ZNF385B: variants seen among roughly 807,000 people sequenced by gnomAD.
The protein encoded by ZNF385B is zinc finger protein 533.
ZNF385B carries 23 observed loss-of-function variants against 39.2 expected under a neutral mutation model. That is an observed-to-expected ratio of 0.59 (90% CI 0.42 to 0.83). The LOEUF is 0.83. Among genes scored for constraint, ZNF385B ranks in the 40% least tolerant of loss-of-function variants. The pLI is 0.00. For missense variants in ZNF385B, 552 were observed against 598.9 expected, an observed-to-expected ratio of 0.92 and a Z score of 0.82; for synonymous variants, 205 against 222.6, an observed-to-expected ratio of 0.92 and a Z score of 0.70.
chr2:179,478,847 G>A (rs544378176), intron 6 of ZNF385B, among the ~76,000 whole-genome samples: 1 of 152,104 alleles, frequency 6.6e-6, no homozygotes, highest in Non-Finnish European at 1.5e-5. Context: ...GTTAAATGCT[G>A]TCACAAGAGA....
At chr2:179,771,786 A>T (rs1385541872) in intron 1 of ZNF385B, among the ~76,000 whole-genome samples, 1 of 152,246 alleles carries the variant, frequency 6.6e-6, no homozygotes, top group Non-Finnish European at 1.5e-5. Flanking sequence ...TAGTTGAAAT[A>T]AGTAAGTGAT....
intron 4 of ZNF385B, among the ~76,000 whole-genome samples, chr2:179,539,381 G>A (rs1257461265): frequency 6.6e-6 from 1 of 152,138 alleles, no homozygotes; most frequent in African/African-American, 2.4e-5. Flanking sequence ...CAAATTGGGG[G>A]TTATGACTTC....
chr2:179,453,541 G>C (rs1359122961), intron 6 of ZNF385B, among the ~76,000 whole-genome samples: 2 of 152,144 alleles, frequency 1.3e-5, no homozygotes, highest in Non-Finnish European at 2.9e-5. Flanking sequence ...GGGACACTGG[G>C]ATTTCATTCC....
chr2:179,571,425 G>T (rs1685202827), intron 3 of ZNF385B, among the ~76,000 whole-genome samples: 1 of 152,114 alleles, frequency 6.6e-6, no homozygotes. Flanking sequence ...CTACAAGCCC[G>T]AAGGAAGATT....
chr2:179,595,624 C>A lies in ZNF385B; in HGVS notation c.299-50655G>T, dbSNP rs991687555. ...TTGTTTTTCAGCCATCCCAGATATTCTTTTTTTTTTTTTCTTCCAGAGACA... is the reference window on the plus strand; with the variant it reads ...TTGTTTTTCAGCCATCCCAGATATTATTTTTTTTTTTTTCTTCCAGAGACA... On this transcript the variant is annotated intron_variant, in intron 3 of 9. Coordinates refer to ENST00000410066, the MANE Select transcript of ZNF385B (RefSeq NM_152520.6). 4.1e-5 allele frequency among the ~76,000 whole-genome samples: 6 copies of A among 145,736 alleles called. No homozygotes were observed. The East Asian group carries it at 1.2e-3, about 30-fold the overall frequency.
intron 3 of ZNF385B, among the ~76,000 whole-genome samples, chr2:179,692,338 T>G (rs1193201607): frequency 1.3e-5 from 2 of 152,146 alleles, no homozygotes; most frequent in Non-Finnish European, 2.9e-5. Flanking sequence ...AGGTCCCTTA[T>G]AGCTCCCTGG....
At chr2:179,668,582 A>G (rs1695487691) in intron 3 of ZNF385B, among the ~76,000 whole-genome samples, 1 of 150,714 alleles carries the variant, frequency 6.6e-6, no homozygotes, top group Non-Finnish European at 1.5e-5. Flanking sequence ...TTTGCTCTAC[A>G]AGTTCATCTT....
At position 179,584,006 on chromosome 2, in the gene ZNF385B, A is replaced by G. The variant is rs1192943007; in HGVS notation, c.299-39037T>C. On this transcript the variant is annotated intron_variant, in intron 3 of 9. Coordinates refer to ENST00000410066, the MANE Select transcript of ZNF385B (RefSeq NM_152520.6). ...TCTGCCATGTGCCAAACAACCTGCT[A>G]CTTGTTGTGTACACATTGTTGAAGA... 4.3e-6 allele frequency: 5 copies of G among 1,163,768 alleles called. No individual in the cohort carries two copies. In the South Asian group the frequency reaches 6.4e-5, roughly 15 times the overall value. The allele number at this position is 1,163,768 out of a possible 1,614,324, so 72.1% of individuals were successfully genotyped here.
chr2:179,681,367 T>C (rs967609535), intron 3 of ZNF385B, among the ~76,000 whole-genome samples: 3 of 152,178 alleles, frequency 2.0e-5, no homozygotes, highest in African/African-American at 4.8e-5. Flanking sequence ...AACCAAACTG[T>C]TCAGGGACTC....
In ZNF385B at chr2:179,446,507, C is replaced by T; in HGVS notation, c.961+18G>A. 2 of 1,597,098 alleles carry T rather than the reference C, an allele frequency of 1.3e-6. No individual in the cohort carries two copies. Among genetic ancestry groups the T allele is most frequent in the South Asian group, 1.1e-5 (1 of 87,728 alleles). On this transcript the variant is annotated intron_variant, in intron 7 of 9. Transcript: ENST00000410066. ...TTTTGTTATAAACATTATTTAAATG[C>T]AAAAGATAGCTGCTAACCTGTGTTG...
At chr2:179,785,205 C>T (rs986341906) in intron 1 of ZNF385B, among the ~76,000 whole-genome samples, 12 of 152,104 alleles carry the variant, frequency 7.9e-5, no homozygotes, top group Admixed American at 1.3e-4. Flanking sequence ...TCATTAGCTT[C>T]GAGGAGTGGA....
Position 179,676,020 on chromosome 2 carries a change from C to T in ZNF385B, c.298+93483G>A, listed in dbSNP as rs1380477207. ...GCCAGGCTGGTCTCGAACTCCTGACCTCGTGATTGGCCCACCCTCAGCCTC... is the reference window on the plus strand; with the variant it reads ...GCCAGGCTGGTCTCGAACTCCTGACTTCGTGATTGGCCCACCCTCAGCCTC... On this transcript the variant is annotated intron_variant, in intron 3 of 9. Coordinates refer to ENST00000410066, the MANE Select transcript of ZNF385B (RefSeq NM_152520.6). Among the ~76,000 whole-genome samples the T allele has an allele frequency of 4.7e-5, 7 of 148,166 alleles. 1 individual carries two copies. The South Asian group carries it at 1.3e-3, about 27-fold the overall frequency.
At chr2:179,829,911 AAG>A (rs1441544492) in intron 1 of ZNF385B, among the ~76,000 whole-genome samples, 1 of 152,240 alleles carries the variant, frequency 6.6e-6, no homozygotes, top group Non-Finnish European at 1.5e-5. Flanking sequence ...TGGCTCTGAG[AAG>A]ATATTTTTAA....
intron 3 of ZNF385B, among the ~76,000 whole-genome samples, chr2:179,671,697 AG>A (rs1169455689): frequency 2.6e-5 from 4 of 152,192 alleles, no homozygotes; most frequent in Admixed American, 6.5e-5. Flanking sequence ...CTGTTCCCCC[AG>A]CCCCTCTGTC....
In ZNF385B at chr2:179,818,692, C is replaced by T. The variant is rs1026284398; in HGVS notation, c.-155+42409G>A. ...TTTTTTGATTCCCACAACACACTTCCGGTCAGTTCGTTCGGCCTCACTATC... is the reference window on the plus strand; with the variant it reads ...TTTTTTGATTCCCACAACACACTTCTGGTCAGTTCGTTCGGCCTCACTATC... On this transcript the variant is annotated intron_variant, in intron 1 of 9. Transcript: ENST00000410066. Among the ~76,000 whole-genome samples, 4 of 152,182 alleles carry T rather than the reference C, an allele frequency of 2.6e-5. No individual in the cohort carries two copies. In the East Asian group the frequency reaches 5.8e-4, roughly 22 times the overall value.
At chr2:179,664,232 A>T (rs1166823575) in intron 3 of ZNF385B, among the ~76,000 whole-genome samples, 1 of 151,932 alleles carries the variant, frequency 6.6e-6, no homozygotes, top group Non-Finnish European at 1.5e-5. Context: ...AATGCTAAAT[A>T]TTAAGTTCTT....
chr2:179,599,885 C>G (rs2176061), intron 3 of ZNF385B, among the ~76,000 whole-genome samples: 24,464 of 152,104 alleles, frequency 0.16, 2,390 homozygotes, highest in African/African-American at 0.25. Flanking sequence ...TATGGTGAGG[C>G]GTAAACACCC....
chr2:179,731,429 G>A lies in ZNF385B; in HGVS notation c.298+38074C>T, dbSNP rs145041326. On this transcript the variant is annotated intron_variant, in intron 3 of 9. Coordinates refer to ENST00000410066, the MANE Select transcript of ZNF385B (RefSeq NM_152520.6). Reference sequence around the variant, plus strand: ...CCATGTGTACTTTCTTAATTCACTCGTAACTGTTTCTTCACAATCAATTCA... The same window carrying A: ...CCATGTGTACTTTCTTAATTCACTCATAACTGTTTCTTCACAATCAATTCA... Among the ~76,000 whole-genome samples the A allele has an allele frequency of 2.0e-4, 24 of 119,708 alleles. 1 individual carries two copies. The South Asian group carries it at 4.8e-3, about 24-fold the overall frequency. 78.5% of individuals were successfully genotyped at this position (119,708 alleles called of 152,430 possible).
intron 3 of ZNF385B, among the ~76,000 whole-genome samples, chr2:179,669,963 G>C (rs950001239): frequency 6.6e-6 from 1 of 152,116 alleles, no homozygotes; most frequent in Non-Finnish European, 1.5e-5. Context: ...GCTCTCTGGA[G>C]GTGAGGGAAA....
Sources: gnomAD v4.1 joint callset for allele counts (sites outside exome capture counted in the v4.1 genomes callset) on GRCh38, gnomAD v4.1.1 for gene constraint, MANE v1.5 for transcripts, NCBI Gene and HGNC (gene_info 2026-07-23, HGNC 2026-07-21) for gene names.